SLC17A9: variants seen among roughly 807,000 people sequenced by gnomAD.
SLC17A9 encodes solute carrier family 17 member 9, also known as voltage-gated purine nucleotide uniporter SLC17A9.
A neutral mutation model predicts 55.0 loss-of-function variants in SLC17A9; 49 were observed. The observed-to-expected ratio is 0.89, with a 90% CI of 0.71 to 1.13. SLC17A9 has a LOEUF of 1.13. Among genes scored for constraint, SLC17A9 ranks in the 50% most tolerant of loss-of-function variants. The pLI is 0.00. For synonymous variants in SLC17A9, 256 were observed against 247.4 expected (o/e 1.03, Z -0.32); for missense variants, 526 against 569.3 (o/e 0.92, Z 0.77).
chr20:62,954,051 CG>C (rs1179598894), intron 1 of SLC17A9, among the ~76,000 whole-genome samples: 8 of 152,038 alleles, frequency 5.3e-5, no homozygotes, highest in African/African-American at 1.5e-4. Flanking sequence ...CTCCCAGGCT[CG>C]ATGTTTAAAA....
At chr20:62,953,080 C>T (rs980467602) in intron 1 of SLC17A9, 191 bp downstream of exon 1, 3 of 1,264,834 alleles carry the variant, frequency 2.4e-6, no homozygotes, top group Admixed American at 4.1e-5. Flanking sequence ...TCCTCCCTGC[C>T]ATGAGATTCC....
At chr20:62,964,138 G>A (rs1289563051) in intron 7 of SLC17A9, 90 bp from the exon 8 acceptor site, 1 of 1,313,256 alleles carries the variant, frequency 7.6e-7, no homozygotes. Flanking sequence ...GGCAGTGGTG[G>A]GCACGGGGGC....
At chr20:62,959,472 G>A (rs1445977191) in intron 3 of SLC17A9, among the ~76,000 whole-genome samples, 1 of 152,262 alleles carries the variant, frequency 6.6e-6, no homozygotes, top group Non-Finnish European at 1.5e-5. Context: ...TGGCGGCTGC[G>A]TGGTAACGGT....
intron 1 of SLC17A9, among the ~76,000 whole-genome samples, chr20:62,954,992 T>G (rs1189328217): frequency 6.6e-6 from 1 of 151,914 alleles, no homozygotes; most frequent in Non-Finnish European, 1.5e-5. Context: ...ACAGAGTCTC[T>G]CTCTGTTGCC....
rs1157358848 is a variant in SLC17A9, at chr20:62,952,852, G to T, written c.22G>T (p.Ala8Ser). 1.9e-5 allele frequency: 26 copies of T among 1,345,218 alleles called. No homozygotes were observed. Among genetic ancestry groups the T allele is most frequent in the Non-Finnish European group, 2.5e-5 (26 of 1,028,210 alleles). 83.3% of individuals were successfully genotyped at this position (1,345,218 alleles called of 1,614,324 possible). A position where few individuals can be genotyped will look rare whatever the true frequency, so the allele number is the denominator to read the frequency against. Residue 8 changes from alanine (A) to serine (S), a missense_variant, in exon 1 of 13, where the codon GCC becomes TCC. Ala to Ser is a moderately conservative substitution (Grantham distance 99, BLOSUM62 1). Coordinates refer to ENST00000370351, the MANE Select transcript of SLC17A9 (RefSeq NM_022082.4). ...CCCGATGCAGCCACCCCCAGACGAG[G>T]CCCGCAGGGACATGGCCGGGGACAC... MQPPPDE[A>S]RRDMAGDTQW...
chr20:62,965,538 C>A (rs1171843733), intron 9 of SLC17A9, 72 bp from the exon 10 acceptor site: 7 of 1,425,598 alleles, frequency 4.9e-6, no homozygotes, highest in African/African-American at 1.4e-5. Context: ...GGCTTTCGGG[C>A]AGCTGAGTCA....
chr20:62,952,990 G>C (rs2065504011), intron 1 of SLC17A9, 101 bp downstream of exon 1: 1 of 1,336,376 alleles, frequency 7.5e-7, no homozygotes, highest in East Asian at 2.5e-5. Flanking sequence ...GGTGGGGAGG[G>C]CTGAGCTGGG....
chr20:62,964,949 C>T, intron 8 of SLC17A9, 183 bp from the exon 9 acceptor site: 1 of 630,078 alleles, frequency 1.6e-6, no homozygotes, highest in Non-Finnish European at 2.8e-6. Context: ...GCACATGCGG[C>T]CTCGCGGCTG....
chr20:62,954,960 CT>C (rs1372557206), intron 1 of SLC17A9, among the ~76,000 whole-genome samples: 3 of 152,048 alleles, frequency 2.0e-5, no homozygotes, highest in Admixed American at 2.0e-4. Context: ...GGTCCCCCAC[CT>C]CCCCCCCTTT....
intron 1 of SLC17A9, among the ~76,000 whole-genome samples, chr20:62,955,293 A>T (rs991395943): frequency 1.4e-5 from 2 of 147,274 alleles, no homozygotes; most frequent in East Asian, 4.0e-4. Context: ...GATTACAGGC[A>T]CCCGCCACTA....
chr20:62,955,363 G>C (rs767447933), intron 1 of SLC17A9, among the ~76,000 whole-genome samples: 1 of 152,002 alleles, frequency 6.6e-6, no homozygotes, highest in Non-Finnish European at 1.5e-5. Flanking sequence ...GGCGAGGCTG[G>C]TCTCGAACTC....
chr20:62,966,576 G>A lies in SLC17A9; in HGVS notation c.1113G>A (p.Leu371=), dbSNP rs370371821. 6.3e-5 allele frequency: 99 copies of A among 1,565,980 alleles called. 1 individual carries two copies. The highest frequency in any genetic ancestry group is 3.5e-5 in the Non-Finnish European group (41 of 1,156,862). The change falls in exon 11 of 13, where the codon CTG becomes CTA. Residue 371 remains leucine (L), a synonymous_variant. Coordinates refer to ENST00000370351, the MANE Select transcript of SLC17A9 (RefSeq NM_022082.4). ...TGGCCCCGTCCTGCGCCGGCTTTCT[G>A]TTTGGTGAGGACCTTGCCTTACCCC... The part of the protein sequence containing the change: ...QDLAPSCAGF[L]FGVANTAGAL...
At position 62,957,480 on chromosome 20, in the gene SLC17A9, C is replaced by T. The variant is rs746371845; in HGVS notation, c.297C>T (p.Ala99=). 1 of 1,609,406 alleles carries T rather than the reference C, an allele frequency of 6.2e-7. No homozygotes were observed. ...GEKVILLSAS[A]WGSITAVTPL... ...AGGTCATCCTGCTGTCAGCCTCTGC[C>T]TGGGGCTCCATCACGGCCGTCACCC... The change falls in exon 3 of 13, where the codon GCC becomes GCT. Residue 99 remains alanine (A), a synonymous_variant. Transcript: ENST00000370351.
At chr20:62,964,163 G>A (rs1405120763) in intron 7 of SLC17A9, 65 bp from the exon 8 acceptor site, 4 of 1,542,036 alleles carry the variant, frequency 2.6e-6, no homozygotes, top group Non-Finnish European at 3.6e-6. Flanking sequence ...TCCAGCCTGA[G>A]TATCCTCTTC....
In SLC17A9 at chr20:62,967,714, C is replaced by A; in HGVS notation, c.*214C>A. 1.9e-6 allele frequency: 1 copy of A among 532,198 alleles called. No homozygotes were observed. Among genetic ancestry groups the A allele is most frequent in the Non-Finnish European group, 3.3e-6 (1 of 305,052 alleles). The allele number at this position is 532,198 out of a possible 1,614,324, so 33.0% of individuals were successfully genotyped here. On this transcript the variant is annotated 3_prime_UTR_variant, in exon 13 of 13. Coordinates refer to ENST00000370351, the MANE Select transcript of SLC17A9 (RefSeq NM_022082.4). Reference sequence around the variant, plus strand: ...CAGACCAGGCTCGCTGCTCTCTGGGCCTCAGTTTCCCCACCTGCCAGCGGG... The same window carrying A: ...CAGACCAGGCTCGCTGCTCTCTGGGACTCAGTTTCCCCACCTGCCAGCGGG...
chr20:62,957,663 G>A, intron 3 of SLC17A9, 83 bp downstream of exon 3: 2 of 1,177,792 alleles, frequency 1.7e-6, no homozygotes, highest in Non-Finnish European at 2.3e-6. Context: ...GTGTGTGCAG[G>A]TGCATGCGTG....
At position 62,962,501 on chromosome 20, in the gene SLC17A9, A is replaced by G. The variant is rs760870456; in HGVS notation, c.498-123A>G. On this transcript the variant is annotated intron_variant, in intron 4 of 12. Coordinates refer to ENST00000370351, the MANE Select transcript of SLC17A9 (RefSeq NM_022082.4). This position sits in a 1 kb window ranked among gnomAD's most constrained non-coding sequence, Gnocchi z 5.5. ...GGTGGCTTCTGAGCTGCTCCTCTGG[A>G]GGCGATGAAAACACCCTCTTCTCCA... 3.8e-5 allele frequency: 49 copies of G among 1,281,690 alleles called. No individual in the cohort carries two copies. Among genetic ancestry groups the G allele is most frequent in the Non-Finnish European group, 5.1e-5 (48 of 942,888 alleles). The allele number at this position is 1,281,690 out of a possible 1,614,324, so 79.4% of individuals were successfully genotyped here.
rs2147639689 is a variant in SLC17A9, at chr20:62,952,855, CGCAGGGACATGGCCGGGGACACCCAGT to C, written c.27_53del (p.Arg10_Trp18del). 3 of 1,474,682 alleles carry C rather than the reference CGCAGGGACATGGCCGGGGACACCCAGT, an allele frequency of 2.0e-6. No individual in the cohort carries two copies. In the African/African-American group the frequency reaches 4.4e-5, roughly 21 times the overall value. The allele number at this position is 1,474,682 out of a possible 1,614,324, so 91.3% of individuals were successfully genotyped here. On this transcript the variant is annotated inframe_deletion, in exon 1 of 13. Coordinates refer to ENST00000370351, the MANE Select transcript of SLC17A9 (RefSeq NM_022082.4). ...GATGCAGCCACCCCCAGACGAGGCC[CGCAGGGACATGGCCGGGGACACCCAGT>C]GGTCCAGGTGTGGCGGGGGTGAGGG... is the stretch of plus-strand genomic sequence containing the variant.
chr20:62,966,483 G>A, intron 10 of SLC17A9, 42 bp from the exon 11 acceptor site: 1 of 1,600,968 alleles, frequency 6.2e-7, no homozygotes, highest in Non-Finnish European at 8.5e-7. Context: ...CACCAGCTCG[G>A]TGGTGGCCAG....
Sources: allele counts gnomAD v4.1 joint callset (sites outside exome capture counted in the v4.1 genomes callset), GRCh38; gene constraint gnomAD v4.1.1; non-coding constraint Gnocchi (gnomAD v3.1); transcripts MANE v1.5; gene names NCBI Gene and HGNC (gene_info 2026-07-23, HGNC 2026-07-21).